The following ACYP2 variants were observed in gnomAD, a reference collection of about 807,000 sequenced individuals.
ACYP2 encodes the protein acylphosphatase-2.
ACYP2 carries 12 observed loss-of-function variants against 11.2 expected under a neutral mutation model. That is an observed-to-expected ratio of 1.08 (90% CI 0.69 to 1.74). ACYP2 has a LOEUF of 1.74. ACYP2 is among the 40% of genes most tolerant of loss of function. ACYP2 has a pLI of 0.00. For synonymous variants in ACYP2, 43 were observed against 32.2 expected (o/e 1.33, Z -1.13); for missense variants, 134 against 101.9 (o/e 1.31, Z -1.35).
At chr2:54,167,070 C>A (rs1425453105) in intron 6 of ACYP2, 2 of 151,506 alleles carry the variant, frequency 1.3e-5, no homozygotes, top group African/African-American at 4.9e-5. Context: ...TACTGGTAAT[C>A]CATAGGACCC....
chr2:54,216,359 G>C (rs1255715193), intron 6 of ACYP2, among the ~76,000 whole-genome samples: 1 of 152,000 alleles, frequency 6.6e-6, no homozygotes, highest in Non-Finnish European at 1.5e-5. Flanking sequence ...TCATCTTCCA[G>C]ATATGTCTAG....
chr2:54,093,710 G>A (rs1167407007), intron 4 of ACYP2, among the ~76,000 whole-genome samples: 3 of 152,248 alleles, frequency 2.0e-5, no homozygotes, highest in Admixed American at 6.5e-5. Context: ...GGAGGCCGAG[G>A]CGGGTGGATC....
intron 2 of ACYP2, among the ~76,000 whole-genome samples, chr2:53,999,099 A>G (rs568617376): frequency 7.2e-5 from 11 of 152,306 alleles, no homozygotes; most frequent in African/African-American, 2.4e-4. Flanking sequence ...GGAGGATATA[A>G]TTATCTCTGC....
At chr2:54,217,652 C>T (rs1030871408) in intron 6 of ACYP2, among the ~76,000 whole-genome samples, 7 of 152,086 alleles carry the variant, frequency 4.6e-5, no homozygotes, top group African/African-American at 1.7e-4. Flanking sequence ...AGATTACAGG[C>T]GTGAGCCTGT....
intron 6 of ACYP2, among the ~76,000 whole-genome samples, chr2:54,170,352 C>T (rs1231210332): frequency 6.6e-6 from 1 of 151,948 alleles, no homozygotes; most frequent in Non-Finnish European, 1.5e-5. Flanking sequence ...GGGGTTTCAC[C>T]ATGTTGGCCA....
At chr2:54,201,636 C>CTTTCTCTTTCTTTCTTTTTCTTTCTT in intron 6 of ACYP2, among the ~76,000 whole-genome samples, 1 of 93,698 alleles carries the variant, frequency 1.1e-5, no homozygotes, top group African/African-American at 4.2e-5. Context: ...TTCTTTCTTT[C>CTTTCTCTTTCTTTCTTTTTCTTTCTT]TCTTTCTTTC....
At chr2:54,209,545 G>C (rs1572938922) in intron 6 of ACYP2, among the ~76,000 whole-genome samples, 1 of 152,284 alleles carries the variant, frequency 6.6e-6, no homozygotes, top group East Asian at 1.9e-4. Flanking sequence ...ACTAGAATAA[G>C]CTGAGTGAGA....
At chr2:54,115,426 G>A in intron 4 of ACYP2, 189 bp from the exon 1 acceptor site, 9 of 723,960 alleles carry the variant, frequency 1.2e-5, no homozygotes, top group African/African-American at 1.9e-5. Flanking sequence ...GAGCGCTGTG[G>A]AGACAGCATC....
chr2:54,201,680 T>TTCTTTCTTTCTTTCTTTC (rs1395606887), intron 6 of ACYP2, among the ~76,000 whole-genome samples: 19 of 107,362 alleles, frequency 1.8e-4, no homozygotes, highest in Admixed American at 7.2e-4. Context: ...CTTTCTTTCT[T>TTCTTTCTTTCTTTCTTTC]TCTCTCTCTC....
intron 2 of ACYP2, among the ~76,000 whole-genome samples, chr2:53,992,514 G>C (rs371901252): frequency 6.6e-6 from 1 of 152,168 alleles, no homozygotes; most frequent in African/African-American, 2.4e-5. Context: ...TAGTGCCAAC[G>C]GTGAGAAGTA....
At chr2:54,253,908 G>A (rs1403710052) in intron 6 of ACYP2, 1 of 151,906 alleles carries the variant, frequency 6.6e-6, no homozygotes, top group African/African-American at 2.4e-5. Context: ...AAACTAAAAA[G>A]CCTGCTTCTG....
chr2:54,191,890 T>G (rs1684256799), intron 6 of ACYP2, among the ~76,000 whole-genome samples: 2 of 152,218 alleles, frequency 1.3e-5, no homozygotes, highest in South Asian at 4.1e-4. Flanking sequence ...TAGACAGGTT[T>G]GCCTATTATC....
At chr2:54,085,671 T>C (rs1677909762) in intron 4 of ACYP2, among the ~76,000 whole-genome samples, 1 of 152,158 alleles carries the variant, frequency 6.6e-6, no homozygotes, top group African/African-American at 2.4e-5. Flanking sequence ...AAGAACTTAT[T>C]GACAACTTTA....
intron 6 of ACYP2, among the ~76,000 whole-genome samples, chr2:54,295,771 G>A (rs79869556): frequency 4.0e-5 from 6 of 150,484 alleles, no homozygotes; most frequent in Admixed American, 3.3e-4. Flanking sequence ...CTTCTTTTTT[G>A]TGTGTGTGAG....
intron 2 of ACYP2, among the ~76,000 whole-genome samples, chr2:53,986,333 A>G (rs1355622256): frequency 7.2e-6 from 1 of 139,600 alleles, no homozygotes; most frequent in Non-Finnish European, 1.6e-5. Context: ...CCTTGAGCCA[A>G]GTAAACCTCT....
rs541267938 is a variant in ACYP2, at chr2:54,241,873, C to T, written c.405-62815C>T. On this transcript the variant is annotated intron_variant, in intron 6 of 6. Transcript: ENST00000607452. ...ACTAAAAATACAAAAATTAGCTGGG[C>T]GTGGTGGCAGGCACCTATAATCCCA... Among the ~76,000 whole-genome samples the T allele has an allele frequency of 6.6e-5, 10 of 152,166 alleles. No homozygotes were observed. In the South Asian group the frequency reaches 1.2e-3, roughly 19 times the overall value.
chr2:54,176,569 A>G (rs1683468844), intron 6 of ACYP2, among the ~76,000 whole-genome samples: 1 of 152,242 alleles, frequency 6.6e-6, no homozygotes, highest in Non-Finnish European at 1.5e-5. Flanking sequence ...ACAGAAAATT[A>G]GTTTTGTTAA....
At chr2:54,196,889 T>C (rs1226506097) in intron 6 of ACYP2, among the ~76,000 whole-genome samples, 1 of 152,224 alleles carries the variant, frequency 6.6e-6, no homozygotes, top group East Asian at 1.9e-4. Flanking sequence ...GAACTGTTGC[T>C]TGCTGTTGGT....
At chr2:54,089,410 A>C (rs569969915) in intron 4 of ACYP2, among the ~76,000 whole-genome samples, 2 of 152,116 alleles carry the variant, frequency 1.3e-5, no homozygotes, top group African/African-American at 2.4e-5. Context: ...ATATATATAT[A>C]TATCTCCTGG....
Sources: gnomAD v4.1 joint callset for allele counts (sites outside exome capture counted in the v4.1 genomes callset) on GRCh38, gnomAD v4.1.1 for gene constraint, MANE v1.5 for transcripts, NCBI Gene and HGNC (gene_info 2026-07-23, HGNC 2026-07-21) for gene names.